Variants in SHPRH observed in about 807,000 individuals in gnomAD.
SHPRH encodes E3 ubiquitin-protein ligase SHPRH.
A neutral mutation model predicts 202.5 loss-of-function variants in SHPRH; 106 were observed. The ratio of observed to expected loss-of-function variants is 0.52; its 90% CI spans 0.45 to 0.62. The LOEUF is 0.62. Ranked by LOEUF, SHPRH falls within the 20% of genes least tolerant of loss-of-function variation. The pLI is 0.00. For synonymous variants in SHPRH, 729 were observed against 686.0 expected (o/e 1.06, Z -0.98); for missense variants, 1,710 against 2,020.0 (o/e 0.85, Z 2.94).
rs770749942 is a variant in SHPRH at position 145,950,478 on chromosome 6, C to T, written c.768G>A (p.Val256=). ...EKLHNSIIPD[V]LEEDEDDPES... is the part of the protein sequence containing the mutation. ...CCGGATCATCTTCATCCTCTTCCAA[C>T]ACATCTGTACATCACACAGCAAATG... Residue 256 remains valine (V), a synonymous_variant, in exon 4 of 30, where the codon GTG becomes GTA. Coordinates refer to ENST00000275233, the MANE Select transcript of SHPRH (RefSeq NM_001042683.3). 9 of 1,612,366 alleles carry T rather than the reference C, an allele frequency of 5.6e-6. No homozygotes were observed. In the Admixed American group the frequency reaches 1.5e-4, roughly 27 times the overall value.
chr6:145,911,514 C>T (rs1295641398), intron 24 of SHPRH, among the ~76,000 whole-genome samples: 1 of 152,044 alleles, frequency 6.6e-6, no homozygotes. Flanking sequence ...AGACTTTTGC[C>T]CTCTTTGGCA....
chr6:145,930,824 A>G (rs1482662950), intron 14 of SHPRH, among the ~76,000 whole-genome samples: 1 of 152,154 alleles, frequency 6.6e-6, no homozygotes, highest in Non-Finnish European at 1.5e-5. Flanking sequence ...ATCTCTGACA[A>G]TAATTACGCA....
At chr6:145,962,192 A>C (rs1278134965) in intron 1 of SHPRH, among the ~76,000 whole-genome samples, 1 of 152,204 alleles carries the variant, frequency 6.6e-6, no homozygotes, top group East Asian at 1.9e-4. Context: ...CCATGACTAG[A>C]GAAGCTGAGT....
downstream of SHPRH, among the ~76,000 whole-genome samples, chr6:145,880,887 CGAGT>C (rs1780533329): frequency 6.6e-6 from 1 of 151,998 alleles, no homozygotes; most frequent in Non-Finnish European, 1.5e-5. Flanking sequence ...AAAAGAGTTT[CGAGT>C]GATAAAAACT....
intron 29 of SHPRH, among the ~76,000 whole-genome samples, chr6:145,887,264 A>G (rs1204607503): frequency 3.3e-5 from 5 of 152,162 alleles, no homozygotes; most frequent in Non-Finnish European, 7.4e-5. Flanking sequence ...GAAACCATCA[A>G]TGGAAGAAAA....
chr6:145,945,076 T>C (rs1787221879), intron 8 of SHPRH, among the ~76,000 whole-genome samples: 1 of 152,000 alleles, frequency 6.6e-6, no homozygotes, highest in African/African-American at 2.4e-5. Flanking sequence ...AAATAAATAA[T>C]ACAGAAGATG....
downstream of SHPRH, among the ~76,000 whole-genome samples, chr6:145,863,210 C>T (rs1779640045): frequency 6.6e-6 from 1 of 152,104 alleles, no homozygotes; most frequent in African/African-American, 2.4e-5. Context: ...GAATGAAGAT[C>T]TATGGAATTA....
intron 28 of SHPRH, among the ~76,000 whole-genome samples, chr6:145,888,499 A>G (rs1244503527): frequency 6.6e-6 from 1 of 152,188 alleles, no homozygotes; most frequent in African/African-American, 2.4e-5. Context: ...TCAAGAGGCC[A>G]AAAGAAGGCT....
chr6:145,911,408 C>T (rs1783480786), intron 24 of SHPRH, among the ~76,000 whole-genome samples: 2 of 152,040 alleles, frequency 1.3e-5, no homozygotes, highest in South Asian at 4.1e-4. Context: ...CAGGTGTGAG[C>T]CACCGCGCCC....
chr6:145,893,811 GA>G (rs1308662787), intron 27 of SHPRH, among the ~76,000 whole-genome samples: 1 of 151,980 alleles, frequency 6.6e-6, no homozygotes, highest in African/African-American at 2.4e-5. Context: ...GGATAACTGT[GA>G]CCACATGCAG....
At chr6:145,945,991 T>C (rs1787334643) in intron 7 of SHPRH, among the ~76,000 whole-genome samples, 1 of 152,062 alleles carries the variant, frequency 6.6e-6, no homozygotes, top group African/African-American at 2.4e-5. Flanking sequence ...TGGTTTAAAC[T>C]GTAAGCTAAA....
chr6:145,912,292 T>C (rs1221425745), intron 24 of SHPRH, among the ~76,000 whole-genome samples: 1 of 152,062 alleles, frequency 6.6e-6, no homozygotes, highest in Non-Finnish European at 1.5e-5. Flanking sequence ...TACTATATAT[T>C]GTAAGTATGA....
At chr6:145,943,904 T>C (rs1787079607) in intron 8 of SHPRH, 102 bp from the exon 9 acceptor site, 2 of 1,121,988 alleles carry the variant, frequency 1.8e-6, no homozygotes, top group African/African-American at 1.6e-5. Flanking sequence ...TAGCAGCCAG[T>C]CTTTGCTACC....
chr6:145,900,504 T>TG (rs879356449), intron 25 of SHPRH, among the ~76,000 whole-genome samples: 2 of 151,916 alleles, frequency 1.3e-5, no homozygotes, highest in Non-Finnish European at 2.9e-5. Context: ...CTGGAGTTTG[T>TG]GGGGGAAGGG....
At chr6:145,924,649 A>T in intron 17 of SHPRH, 90 bp downstream of exon 17, 2 of 1,042,628 alleles carry the variant, frequency 1.9e-6, no homozygotes, top group Non-Finnish European at 2.9e-6. Flanking sequence ...AAAATGTATA[A>T]GAAATTCAAG....
chr6:145,935,065 A>T lies in SHPRH; in HGVS notation c.2832T>A (p.Asp944Glu). The T allele has an allele frequency of 1.2e-6, 2 of 1,613,866 alleles. No individual in the cohort carries two copies. Among genetic ancestry groups the T allele is most frequent in the Non-Finnish European group, 1.7e-6 (2 of 1,179,968 alleles). ...AAATCTTCCTGAGTTTTACCACCAC[A>T]TCCTGGCAGCACACCTCATGCTGAC... Reference protein sequence around the residue: ...YHRQHEVCCQDVVVKLRKISD... With the variant: ...YHRQHEVCCQEVVVKLRKISD... The change falls in exon 13 of 30, where the codon GAT becomes GAA. Residue 944 changes from aspartate to glutamate, a missense_variant. Asp to Glu is a conservative substitution (Grantham distance 45). Coordinates refer to ENST00000275233, the MANE Select transcript of SHPRH (RefSeq NM_001042683.3).
chr6:145,923,568 T>C, intron 18 of SHPRH, 75 bp downstream of exon 18: 1 of 1,547,180 alleles, frequency 6.5e-7, no homozygotes, highest in African/African-American at 1.4e-5. Context: ...TAATGAGAAA[T>C]TAGAAACTAG....
intron 2 of SHPRH, among the ~76,000 whole-genome samples, chr6:145,870,163 T>A (rs1476955159): frequency 6.6e-6 from 1 of 152,024 alleles, no homozygotes; most frequent in Non-Finnish European, 1.5e-5. Context: ...TGCTGGTATA[T>A]AGAAAAGCAA....
In SHPRH at chr6:145,954,918, T is replaced by G; in HGVS notation, c.405A>C (p.Glu135Asp). 1 of 1,613,754 alleles carries G rather than the reference T, an allele frequency of 6.2e-7. No homozygotes were observed. Among genetic ancestry groups the G allele is most frequent in the Non-Finnish European group, 8.5e-7 (1 of 1,179,864 alleles). Reference protein sequence around the residue: ...PAQSLIENFSERSITLMSSES... With the variant: ...PAQSLIENFSDRSITLMSSES... ...CTGAACTCATCAATGTAATACTCCT[T>G]TCGGAAAAATTTTCAATTAAACTCT... is the stretch of plus-strand genomic sequence containing the variant. The change falls in exon 2 of 30, where the codon GAA becomes GAC. Residue 135 changes from glutamate (E) to aspartate (D), a missense_variant. This residue lies in a region of SHPRH where 459 missense variants were observed against 426.5 expected (regional missense o/e 1.08). Transcript: ENST00000275233.
Sources: allele counts gnomAD v4.1 joint callset (sites outside exome capture counted in the v4.1 genomes callset), GRCh38; gene constraint gnomAD v4.1.1; regional missense constraint gnomAD v4.1.1; transcripts MANE v1.5; gene names NCBI Gene and HGNC (gene_info 2026-07-23, HGNC 2026-07-21).